Variants in CRHR1 observed in about 807,000 individuals in gnomAD.
CRHR1 encodes corticotropin releasing hormone receptor 1, also known as corticotropin-releasing hormone receptor 1.
In CRHR1, 28 loss-of-function variants were observed where a neutral mutation model predicts 56.0. That is an observed-to-expected ratio of 0.50 (90% confidence interval 0.37 to 0.69). The LOEUF is 0.69. CRHR1 is among the 30% of genes least tolerant of loss of function. The pLI is 0.00. For missense variants in CRHR1, 376 were observed against 548.0 expected (o/e 0.69, Z 3.13); for synonymous variants, 195 against 216.5 (o/e 0.90, Z 0.87).
At chr17:45,829,614 C>T (rs576726381) in intron 5 of CRHR1, 4 of 1,551,054 alleles carry the variant, frequency 2.6e-6, no homozygotes, top group Non-Finnish European at 2.6e-6. Flanking sequence ...GAGGTGGGGG[C>T]TCCATGGAGT....
At position 45,834,044 on chromosome 17, in the gene CRHR1, G is replaced by A; in HGVS notation, c.1103G>A (p.Ser368Asn). Residue 368 changes from serine to asparagine, a missense_variant, in exon 12 of 13, where the codon AGT (serine) becomes AAT (asparagine). Ser to Asn is a conservative substitution (Grantham distance 46). Coordinates refer to ENST00000314537, the MANE Select transcript of CRHR1 (RefSeq NM_004382.5). The stretch of plus-strand genomic sequence containing the variant: ...TCTGTGTTCTACTGTTTCCTCAATA[G>A]TGAGGTGAGGACCCGGGGGCCCTGC... ...FVSVFYCFLN[S>N]EVRSAIRKRW... 1 of 1,613,284 alleles carries A rather than the reference G, an allele frequency of 6.2e-7. No homozygotes were observed. Among genetic ancestry groups the A allele is most frequent in the South Asian group, 1.1e-5 (1 of 91,070 alleles).
At chr17:45,788,765 G>A (rs937202173) in intron 1 of CRHR1, among the ~76,000 whole-genome samples, 1 of 152,166 alleles carries the variant, frequency 6.6e-6, no homozygotes, top group Admixed American at 6.5e-5. Flanking sequence ...ACCCTTCACG[G>A]CACTGAGCCT....
At chr17:45,821,303 A>G in intron 3 of CRHR1, 52 bp from the exon 4 acceptor site, 3 of 1,540,292 alleles carry the variant, frequency 1.9e-6, no homozygotes, top group Non-Finnish European at 2.7e-6. Context: ...CAGGATGGTC[A>G]GGCAGGGGCC....
chr17:45,791,848 T>TCACA (rs1276459029), intron 1 of CRHR1, among the ~76,000 whole-genome samples: 12 of 123,420 alleles, frequency 9.7e-5, no homozygotes, highest in Admixed American at 8.6e-5. Context: ...TCTCTCTCTC[T>TCACA]CTCTCACACA....
chr17:45,827,849 G>A (rs2062199467), intron 4 of CRHR1: 2 of 152,354 alleles, frequency 1.3e-5, no homozygotes, highest in South Asian at 4.1e-4. Flanking sequence ...TTTCAAGTGG[G>A]TTCTGTAATT....
chr17:45,803,908 C>G (rs1171289636), intron 1 of CRHR1, among the ~76,000 whole-genome samples: 2 of 152,226 alleles, frequency 1.3e-5, no homozygotes, highest in African/African-American at 2.4e-5. Context: ...TGAACTGCCC[C>G]TCTCCGGGGA....
At chr17:45,807,397 G>C (rs1397542541) in intron 2 of CRHR1, among the ~76,000 whole-genome samples, 2 of 152,220 alleles carry the variant, frequency 1.3e-5, no homozygotes, top group African/African-American at 4.8e-5. Context: ...GTGGGCACAG[G>C]GGAGGGCATC....
intron 2 of CRHR1, among the ~76,000 whole-genome samples, chr17:45,808,024 T>G (rs1351818468): frequency 2.6e-5 from 4 of 152,130 alleles, no homozygotes; most frequent in African/African-American, 7.2e-5. Context: ...CACCTGAGTG[T>G]CTTTGGAAGG....
chr17:45,797,203 G>T (rs2061533582), intron 1 of CRHR1, among the ~76,000 whole-genome samples: 1 of 151,950 alleles, frequency 6.6e-6, no homozygotes. Flanking sequence ...GGAAGAACGT[G>T]CAAAGTTGAG....
chr17:45,795,299 A>G (rs1335060390), intron 1 of CRHR1, among the ~76,000 whole-genome samples: 1 of 152,124 alleles, frequency 6.6e-6, no homozygotes, highest in Non-Finnish European at 1.5e-5. Context: ...GGTCCACTCT[A>G]CAGCCACCTT....
chr17:45,815,289 G>A (rs565029300), intron 2 of CRHR1, among the ~76,000 whole-genome samples: 23 of 152,322 alleles, frequency 1.5e-4, no homozygotes, highest in African/African-American at 5.1e-4. Context: ...GCACTAAAAG[G>A]CAGAGAAAGA....
chr17:45,792,123 G>C (rs1168067008), intron 1 of CRHR1, among the ~76,000 whole-genome samples: 1 of 152,048 alleles, frequency 6.6e-6, no homozygotes, highest in Non-Finnish European at 1.5e-5. Flanking sequence ...AGCCTCCCCG[G>C]CATCCCTCAG....
Position 45,833,454 on chromosome 17 carries a change from C to A in CRHR1, c.846C>A (p.Ile282=), listed in dbSNP as rs1440365962. Residue 282 remains isoleucine (I), a splice_region_variant and synonymous_variant, in exon 10 of 13, where the codon ATC becomes ATA. Transcript: ENST00000314537. ...CCGCTGGTGTGCTCAAATTGCAGAT[C>A]AATTTCATCTTCCTTTTCAACATCG... is the stretch of plus-strand genomic sequence containing the variant. ...YQGPMILVLL[I]NFIFLFNIVR... 1.2e-6 allele frequency: 2 copies of A among 1,613,906 alleles called. No individual in the cohort carries two copies. Among genetic ancestry groups the A allele is most frequent in the African/African-American group, 1.3e-5 (1 of 74,914 alleles).
intron 1 of CRHR1, among the ~76,000 whole-genome samples, chr17:45,801,234 A>C (rs2061615490): frequency 6.6e-6 from 1 of 152,122 alleles, no homozygotes. Context: ...CCTTCTTCCA[A>C]GGCGCTGTCT....
chr17:45,794,804 C>G (rs566159149), intron 1 of CRHR1, among the ~76,000 whole-genome samples: 3 of 152,314 alleles, frequency 2.0e-5, no homozygotes, highest in Admixed American at 2.0e-4. Flanking sequence ...ACCCCTTGTC[C>G]CCGCACTCAT....
At chr17:45,797,654 C>G (rs1161971214) in intron 1 of CRHR1, among the ~76,000 whole-genome samples, 1 of 152,050 alleles carries the variant, frequency 6.6e-6, no homozygotes, top group Non-Finnish European at 1.5e-5. Context: ...CCCTATCAGC[C>G]CCATTTACAG....
chr17:45,830,294 G>A, intron 6 of CRHR1, 80 bp downstream of exon 6: 1 of 1,600,756 alleles, frequency 6.2e-7, no homozygotes, highest in African/African-American at 1.3e-5. Context: ...TGCAGAGGAG[G>A]AGCCCACAGA....
rs116298704 is a variant in CRHR1, at chr17:45,832,365, G to A, written c.771-773G>A. ...GATCTGGGTGTGAGAAACCAGAAAC[G>A]AACTTGCAGACCAGAGGCCCGAGGA... On this transcript the variant is annotated intron_variant, in intron 8 of 12. Coordinates refer to ENST00000314537, the MANE Select transcript of CRHR1 (RefSeq NM_004382.5). Among the ~76,000 whole-genome samples, 835 of 152,340 alleles carry A rather than the reference G, an allele frequency of 5.5e-3. 9 individuals are homozygous for A. Among genetic ancestry groups the A allele is most frequent in the African/African-American group, 0.019 (789 of 41,568 alleles).
chr17:45,793,957 A>C (rs1188277149), intron 1 of CRHR1, among the ~76,000 whole-genome samples: 3 of 152,158 alleles, frequency 2.0e-5, no homozygotes, highest in Non-Finnish European at 4.4e-5. Flanking sequence ...TGCTGTTTTC[A>C]TGGGTGGGAG....
Sources: allele counts gnomAD v4.1 joint callset (sites outside exome capture counted in the v4.1 genomes callset), GRCh38; gene constraint gnomAD v4.1.1; transcripts MANE v1.5; gene names NCBI Gene and HGNC (gene_info 2026-07-23, HGNC 2026-07-21).